Variants in ATXN10 observed in about 807,000 individuals in gnomAD.
The protein encoded by ATXN10 is ataxin 10.
A neutral mutation model predicts 52.9 loss-of-function variants in ATXN10; 28 were observed. The observed-to-expected ratio is 0.53, with a 90% CI of 0.39 to 0.73. ATXN10 has a LOEUF of 0.73. Ranked by LOEUF, ATXN10 falls within the 30% of genes least tolerant of loss-of-function variation. The pLI, the probability that ATXN10 is intolerant of heterozygous loss-of-function variation, is 0.00. For synonymous variants in ATXN10, 226 were observed against 221.5 expected, an observed-to-expected ratio of 1.02 and a Z score of -0.18; for missense variants, 565 against 577.0, an observed-to-expected ratio of 0.98 and a Z score of 0.21.
At chr22:45,777,077 A>G (rs1159872466) in intron 9 of ATXN10, among the ~76,000 whole-genome samples, 1 of 152,206 alleles carries the variant, frequency 6.6e-6, no homozygotes, top group Non-Finnish European at 1.5e-5. Flanking sequence ...AGCTACTTTT[A>G]TATTTCGAAA....
intron 1 of ATXN10, among the ~76,000 whole-genome samples, chr22:45,680,345 A>G (rs1237719537): frequency 6.6e-6 from 1 of 152,216 alleles, no homozygotes; most frequent in Non-Finnish European, 1.5e-5. Flanking sequence ...CTTAAGTGGT[A>G]AGATACACCA....
rs1304436862 is a variant in ATXN10 at position 45,677,253 on chromosome 22, C to T, written c.116+5074C>T. 1 of 152,212 alleles carries T rather than the reference C, an allele frequency of 6.6e-6. No homozygotes were observed. Among genetic ancestry groups the T allele is most frequent in the Non-Finnish European group, 1.5e-5 (1 of 68,054 alleles). 9.4% of individuals were successfully genotyped at this position (152,212 alleles called of 1,614,324 possible). A position where few individuals can be genotyped will look rare whatever the true frequency, so the allele number is the denominator to read the frequency against. On this transcript the variant is annotated intron_variant, in intron 1 of 11. Transcript: ENST00000252934. The surrounding 1 kb of genome is among the most constrained non-coding windows in gnomAD (Gnocchi z 4.1). ...ATGAGCTTCTTGAATGAAGTGGGCACATCACATTCACTGTATGCCTGGCAT... is the reference window on the plus strand; with the variant it reads ...ATGAGCTTCTTGAATGAAGTGGGCATATCACATTCACTGTATGCCTGGCAT...
Position 45,824,529 on chromosome 22 carries a change from A to G in ATXN10, c.1237+17507A>G, listed in dbSNP as rs974685066. Among the ~76,000 whole-genome samples, 3 of 152,124 alleles carry G rather than the reference A, an allele frequency of 2.0e-5. No homozygotes were observed. The highest frequency in any genetic ancestry group is 6.5e-5 in the Admixed American group (1 of 15,276). ...TCCATAGTGATTGTCTTTACTTTCCATCCCTTAGTTGAAAATTGGTAAAGG... is the reference window on the plus strand; with the variant it reads ...TCCATAGTGATTGTCTTTACTTTCCGTCCCTTAGTTGAAAATTGGTAAAGG... On this transcript the variant is annotated intron_variant, in intron 10 of 11. Coordinates refer to ENST00000252934, the MANE Select transcript of ATXN10 (RefSeq NM_013236.4). The surrounding 1 kb of genome is among the most constrained non-coding windows in gnomAD (Gnocchi z 5.2).
At chr22:45,782,613 G>T (rs1025786445) in intron 9 of ATXN10, among the ~76,000 whole-genome samples, 46 of 152,214 alleles carry the variant, frequency 3.0e-4, no homozygotes, top group Non-Finnish European at 6.3e-4. Flanking sequence ...CTCTAGTAGG[G>T]GTTATCAACT....
intron 5 of ATXN10, among the ~76,000 whole-genome samples, chr22:45,710,449 C>G (rs527615781): frequency 6.6e-6 from 1 of 152,180 alleles, no homozygotes; most frequent in Non-Finnish European, 1.5e-5. Context: ...AAACCCGTAT[C>G]GCTTTACTCT....
rs1601670516 is a variant in ATXN10, at chr22:45,825,282, T to G, written c.1238-17709T>G. On this transcript the variant is annotated intron_variant, in intron 10 of 11. Coordinates refer to ENST00000252934, the MANE Select transcript of ATXN10 (RefSeq NM_013236.4). This position sits in a 1 kb window ranked among gnomAD's most constrained non-coding sequence, Gnocchi z 4.5. ...CTTCCACCTCTGGCTGAAGTGGCTT[T>G]CTGGGTATTTAAAAGGCCAGCACCC... 6.6e-6 allele frequency among the ~76,000 whole-genome samples: 1 copy of G among 152,236 alleles called. No individual in the cohort carries two copies. Among genetic ancestry groups the G allele is most frequent in the East Asian group, 1.9e-4 (1 of 5,202 alleles).
chr22:45,673,257 A>G (rs1440479826), intron 1 of ATXN10: 2 of 152,286 alleles, frequency 1.3e-5, no homozygotes, highest in African/African-American at 2.4e-5. Flanking sequence ...AGTATGTACA[A>G]GATAACACAG....
rs1174427911 is a variant in ATXN10 at position 45,781,347 on chromosome 22, C to CA, written c.1174-25611dup. Among the ~76,000 whole-genome samples the CA allele has an allele frequency of 6.6e-6, 1 of 152,142 alleles. No individual in the cohort carries two copies. The highest frequency in any genetic ancestry group is 1.5e-5 in the Non-Finnish European group (1 of 68,034). ...CTGTCAGCAGAGACCGAGTAGGGAG[C>CA]ATGAACAACCAGCTCTGCCCAGCAG... On this transcript the variant is annotated intron_variant, in intron 9 of 11. Coordinates refer to ENST00000252934, the MANE Select transcript of ATXN10 (RefSeq NM_013236.4). This position sits in a 1 kb window ranked among gnomAD's most constrained non-coding sequence, Gnocchi z 4.2.
chr22:45,681,065 A>G lies in ATXN10; in HGVS notation c.117-8647A>G, dbSNP rs1922901550. The stretch of plus-strand genomic sequence containing the variant: ...CCACTCCAACTTTTAATCTCATGAC[A>G]TCAGAGTATCCCTTGTTTAATCACT... On this transcript the variant is annotated intron_variant, in intron 1 of 11. Coordinates refer to ENST00000252934, the MANE Select transcript of ATXN10 (RefSeq NM_013236.4). This position sits in a 1 kb window ranked among gnomAD's most constrained non-coding sequence, Gnocchi z 4.2. Among the ~76,000 whole-genome samples the G allele has an allele frequency of 6.6e-6, 1 of 152,190 alleles. No homozygotes were observed. Among genetic ancestry groups the G allele is most frequent in the South Asian group, 2.1e-4 (1 of 4,824 alleles).
intron 5 of ATXN10, among the ~76,000 whole-genome samples, chr22:45,714,754 G>T (rs1219415586): frequency 6.6e-6 from 1 of 152,170 alleles, no homozygotes; most frequent in Non-Finnish European, 1.5e-5. Flanking sequence ...AAAAAAATGT[G>T]TTCCGTAGTT....
In ATXN10 at chr22:45,843,829, G is replaced by C. The variant is rs1052312761; in HGVS notation, c.*158G>C. 12 of 701,384 alleles carry C rather than the reference G, an allele frequency of 1.7e-5. No homozygotes were observed. The highest frequency in any genetic ancestry group is 2.9e-5 in the Non-Finnish European group (12 of 407,886). The allele number at this position is 701,384 out of a possible 1,614,324, so 43.4% of individuals were successfully genotyped here. On this transcript the variant is annotated 3_prime_UTR_variant, in exon 12 of 12. Transcript: ENST00000252934. This position sits in a 1 kb window ranked among gnomAD's most constrained non-coding sequence, Gnocchi z 4.5. ...AGAGTTTAACGTGTATAAGCTAAAA[G>C]TGAAAGTAACTGAGTGTTCTCTTGT...
chr22:45,815,077 T>C (rs985441969), intron 10 of ATXN10, among the ~76,000 whole-genome samples: 2 of 152,098 alleles, frequency 1.3e-5, no homozygotes, highest in Admixed American at 6.6e-5. Context: ...AGCCCCAAAG[T>C]AGAAATAACC....
At position 45,823,421 on chromosome 22, in the gene ATXN10, G is replaced by A. The variant is rs1247177074; in HGVS notation, c.1237+16399G>A. On this transcript the variant is annotated intron_variant, in intron 10 of 11. Transcript: ENST00000252934. The surrounding 1 kb of genome is among the most constrained non-coding windows in gnomAD (Gnocchi z 4.9). ...TGTAATTATTTATGATGTACAGTAGGGATTCTGTCTTTTTTTAATTTCCCC... is the reference window on the plus strand; with the variant it reads ...TGTAATTATTTATGATGTACAGTAGAGATTCTGTCTTTTTTTAATTTCCCC... 1 of 265,374 alleles carries A rather than the reference G, an allele frequency of 3.8e-6. No homozygotes were observed. The highest frequency in any genetic ancestry group is 7.5e-6 in the Non-Finnish European group (1 of 133,040). The allele number at this position is 265,374 out of a possible 1,614,324, so 16.4% of individuals were successfully genotyped here.
intron 1 of ATXN10, among the ~76,000 whole-genome samples, chr22:45,682,792 C>G (rs1307225259): frequency 6.6e-6 from 1 of 152,194 alleles, no homozygotes; most frequent in African/African-American, 2.4e-5. Flanking sequence ...CCTTCACTCC[C>G]CTTTTTTAGA....
chr22:45,766,503 AT>A lies in ATXN10; in HGVS notation c.1173+25966del, dbSNP rs1250366169. On this transcript the variant is annotated intron_variant, in intron 9 of 11. Coordinates refer to ENST00000252934, the MANE Select transcript of ATXN10 (RefSeq NM_013236.4). This position sits in a 1 kb window ranked among gnomAD's most constrained non-coding sequence, Gnocchi z 4.6. ...AAAAGGTTGGGAACTCCTCCTTTAGATAAAACTGGATACATCCCTTATAACA... is the reference window on the plus strand; with the variant it reads ...AAAAGGTTGGGAACTCCTCCTTTAGAAAAACTGGATACATCCCTTATAACA... 6.6e-6 allele frequency among the ~76,000 whole-genome samples: 1 copy of A among 152,206 alleles called. No individual in the cohort carries two copies. Among genetic ancestry groups the A allele is most frequent in the Non-Finnish European group, 1.5e-5 (1 of 68,040 alleles).
intron 4 of ATXN10, among the ~76,000 whole-genome samples, chr22:45,700,973 T>C (rs982813861): frequency 2.0e-5 from 3 of 152,214 alleles, no homozygotes; most frequent in Non-Finnish European, 4.4e-5. Flanking sequence ...CTGGTGATTC[T>C]ACTTCTTAAA....
intron 10 of ATXN10, among the ~76,000 whole-genome samples, chr22:45,831,685 G>A (rs1186424060): frequency 1.3e-5 from 2 of 152,226 alleles, no homozygotes; most frequent in Admixed American, 1.3e-4. Flanking sequence ...GCCACCAGCT[G>A]TTCGGCAGTG....
intron 10 of ATXN10, among the ~76,000 whole-genome samples, chr22:45,810,810 G>T (rs1425621224): frequency 6.6e-6 from 1 of 152,088 alleles, no homozygotes; most frequent in African/African-American, 2.4e-5. Context: ...CCAAACAGTT[G>T]AGAATTGTTC....
chr22:45,772,573 C>G lies in ATXN10; in HGVS notation c.1173+32035C>G, dbSNP rs1414695227. On this transcript the variant is annotated intron_variant, in intron 9 of 11. Transcript: ENST00000252934. The surrounding 1 kb of genome is among the most constrained non-coding windows in gnomAD (Gnocchi z 4.1). ...CCCTTCCATGTAAATTTTAGAATAG[C>G]TTTTTCATAACTCTACAAAACTCTG... Among the ~76,000 whole-genome samples, 1 of 152,088 alleles carries G rather than the reference C, an allele frequency of 6.6e-6. No individual in the cohort carries two copies. Among genetic ancestry groups the G allele is most frequent in the Non-Finnish European group, 1.5e-5 (1 of 68,012 alleles).
Sources: gnomAD v4.1 joint callset for allele counts (sites outside exome capture counted in the v4.1 genomes callset) on GRCh38, gnomAD v4.1.1 for gene constraint, Gnocchi (gnomAD v3.1) non-coding constraint, MANE v1.5 for transcripts, NCBI Gene and HGNC (gene_info 2026-07-23, HGNC 2026-07-21) for gene names.